Variants in ANKRD11 observed in about 807,000 individuals in gnomAD.
ANKRD11 encodes the protein ankyrin repeat domain-containing protein 11.
In ANKRD11, 17 loss-of-function variants were observed where a neutral mutation model predicts 195.7. That is an observed-to-expected ratio of 0.09 (90% CI 0.06 to 0.13). The LOEUF (loss-of-function observed/expected upper bound fraction) is 0.13, where lower values mean the gene tolerates loss of function less well. ANKRD11 is among the 10% of genes least tolerant of loss of function. ANKRD11 has a pLI of 1.00. For synonymous variants in ANKRD11, 1,953 were observed against 1,528.1 expected (o/e 1.28, Z -6.49); for missense variants, 3,735 against 3,566.1 (o/e 1.05, Z -1.21).
At chr16:89,481,875 A>T (rs1381213446) in intron 1 of ANKRD11, among the ~76,000 whole-genome samples, 1 of 152,026 alleles carries the variant, frequency 6.6e-6, no homozygotes, top group Non-Finnish European at 1.5e-5. Context: ...TTCTGCAGTG[A>T]CATTCTACTG....
intron 2 of ANKRD11, among the ~76,000 whole-genome samples, chr16:89,371,178 G>C (rs2040176593): frequency 6.6e-6 from 1 of 152,146 alleles, no homozygotes; most frequent in Admixed American, 6.5e-5. Flanking sequence ...CACCAAGGAA[G>C]TGCCAGAAAA....
At chr16:89,455,963 C>T (rs370673100) in intron 1 of ANKRD11, among the ~76,000 whole-genome samples, 4 of 152,114 alleles carry the variant, frequency 2.6e-5, no homozygotes, top group Admixed American at 6.5e-5. Context: ...ACAGGTAGGG[C>T]GTGGTGGCTC....
At chr16:89,339,759 A>G (rs936039477) in intron 2 of ANKRD11, 1 of 152,234 alleles carries the variant, frequency 6.6e-6, no homozygotes, top group Non-Finnish European at 1.5e-5. Flanking sequence ...TAAAAATTAC[A>G]AATTACATAA....
intron 2 of ANKRD11, among the ~76,000 whole-genome samples, chr16:89,362,745 T>C (rs1208526437): frequency 6.6e-6 from 1 of 152,266 alleles, no homozygotes; most frequent in Non-Finnish European, 1.5e-5. Flanking sequence ...GGCATGCTTA[T>C]ACTGGTCGAA....
At chr16:89,273,077 C>T (rs901167227) in intron 11 of ANKRD11, 2 of 146,902 alleles carry the variant, frequency 1.4e-5, no homozygotes, top group Admixed American at 1.4e-4. Flanking sequence ...ATGGATAAGA[C>T]CTACTATCTA....
chr16:89,480,688 T>A (rs921792469), intron 1 of ANKRD11, among the ~76,000 whole-genome samples: 2 of 152,034 alleles, frequency 1.3e-5, no homozygotes, highest in Admixed American at 1.3e-4. Flanking sequence ...TCTAACCCCC[T>A]TCTGTTTGGA....
chr16:89,478,681 G>C (rs535585036), intron 1 of ANKRD11, among the ~76,000 whole-genome samples: 1 of 152,216 alleles, frequency 6.6e-6, no homozygotes, highest in Non-Finnish European at 1.5e-5. Flanking sequence ...GCAGCTCTCC[G>C]GCACAGCCAT....
chr16:89,316,490 C>T (rs1029154330), intron 3 of ANKRD11, among the ~76,000 whole-genome samples: 4 of 152,172 alleles, frequency 2.6e-5, no homozygotes, highest in African/African-American at 4.8e-5. Flanking sequence ...CAGCGTTAAC[C>T]GCACATTAAT....
intron 2 of ANKRD11, among the ~76,000 whole-genome samples, chr16:89,375,135 A>G (rs2152090279): frequency 6.6e-6 from 1 of 152,202 alleles, no homozygotes; most frequent in African/African-American, 2.4e-5. Context: ...TCAGTGCGGG[A>G]CATACCACAC....
chr16:89,328,011 A>G (rs2037825932), intron 2 of ANKRD11, among the ~76,000 whole-genome samples: 1 of 152,252 alleles, frequency 6.6e-6, no homozygotes, highest in South Asian at 2.1e-4. Flanking sequence ...TATGTAGAAG[A>G]AAGAAGTATC....
rs115469915 is a variant in ANKRD11 at position 89,377,789 on chromosome 16, G to A, written c.-60+40495C>T. On this transcript the variant is annotated intron_variant, in intron 2 of 12. Transcript: ENST00000301030. ...CTGTGACCATACAGGAACATTTCTA[G>A]AGAAATGACAAAGCACTTCGTAAGT... 3.3e-3 allele frequency among the ~76,000 whole-genome samples: 508 copies of A among 152,190 alleles called. 4 individuals are homozygous for A. Among genetic ancestry groups the A allele is most frequent in the African/African-American group, 0.011 (472 of 41,512 alleles).
At chr16:89,287,107 A>G (rs1224421155) in intron 7 of ANKRD11, 36 of 1,289,768 alleles carry the variant, frequency 2.8e-5, no homozygotes, top group Non-Finnish European at 3.5e-5. Context: ...TTCCTCCATC[A>G]TGGGGGCTGC....
intron 2 of ANKRD11, among the ~76,000 whole-genome samples, chr16:89,382,762 G>C (rs566432638): frequency 6.6e-6 from 1 of 152,188 alleles, no homozygotes; most frequent in Non-Finnish European, 1.5e-5. Context: ...TTATAGGTGT[G>C]AGTCAACTGT....
intron 2 of ANKRD11, among the ~76,000 whole-genome samples, chr16:89,388,978 T>C (rs1242554329): frequency 6.6e-6 from 1 of 152,138 alleles, no homozygotes; most frequent in Non-Finnish European, 1.5e-5. Context: ...ATCCAGCACA[T>C]AATGAGGTAA....
chr16:89,338,726 C>CA (rs34799616), intron 2 of ANKRD11, among the ~76,000 whole-genome samples: 2,915 of 43,586 alleles, frequency 0.067, 448 homozygotes, highest in African/African-American at 0.14. Flanking sequence ...CACTCAGTCT[C>CA]AAAAAAAAAA....
chr16:89,363,953 C>T (rs2039840684), intron 2 of ANKRD11, among the ~76,000 whole-genome samples: 1 of 152,100 alleles, frequency 6.6e-6, no homozygotes, highest in South Asian at 2.1e-4. Flanking sequence ...CCCAGCAACT[C>T]AGGAGCCTGA....
chr16:89,465,763 T>C (rs1353311826), intron 1 of ANKRD11, among the ~76,000 whole-genome samples: 3 of 152,076 alleles, frequency 2.0e-5, no homozygotes, highest in Non-Finnish European at 2.9e-5. Context: ...CAGGCTGGAG[T>C]GCAGTGACAC....
intron 3 of ANKRD11, 103 bp from the exon 4 acceptor site, chr16:89,305,447 C>G: frequency 6.7e-7 from 1 of 1,490,958 alleles, no homozygotes. Context: ...CTTATTTGGG[C>G]AATGAACACC....
At chr16:89,271,077 C>G in intron 11 of ANKRD11, 168 bp from the exon 12 acceptor site, 2 of 690,670 alleles carry the variant, frequency 2.9e-6, no homozygotes, top group South Asian at 1.6e-5. Context: ...CAGGCGCACC[C>G]TGCCCATCTC....
Sources: allele counts gnomAD v4.1 joint callset (sites outside exome capture counted in the v4.1 genomes callset), GRCh38; gene constraint gnomAD v4.1.1; transcripts MANE v1.5; gene names NCBI Gene and HGNC (gene_info 2026-07-23, HGNC 2026-07-21).